FUT8: variants seen among roughly 807,000 people sequenced by gnomAD.
The protein encoded by FUT8 is fucosyltransferase 8, also known as alpha-(1,6)-fucosyltransferase.
FUT8 carries 29 observed loss-of-function variants against 71.3 expected under a neutral mutation model. That is an observed-to-expected ratio of 0.41 (90% CI 0.30 to 0.55). The LOEUF (loss-of-function observed/expected upper bound fraction) is 0.55. Ranked by LOEUF, FUT8 falls within the 20% of genes least tolerant of loss-of-function variation. FUT8 has a pLI of 0.34. For missense variants in FUT8, 544 were observed against 702.1 expected (o/e 0.77, Z 2.55); for synonymous variants, 254 against 239.3 (o/e 1.06, Z -0.57).
chr14:65,384,073 C>G, the FUT8 span, among the ~76,000 whole-genome samples: 1 of 147,530 alleles, frequency 6.8e-6, no homozygotes, highest in Non-Finnish European at 1.5e-5. The surrounding 1 kb of genome is among the most constrained non-coding windows in gnomAD (Gnocchi z 4.2). Flanking sequence ...GATCTCCAGC[C>G]AGTGTCTTTC....
chr14:65,457,714 C>T (rs1214658174), intron 2 of FUT8, among the ~76,000 whole-genome samples: 2 of 152,120 alleles, frequency 1.3e-5, no homozygotes, highest in African/African-American at 4.8e-5. Context: ...CAGAGTGAAA[C>T]AGAACAGAGC....
At chr14:65,430,428 G>GA (rs918723117) in intron 1 of FUT8, 3 of 152,042 alleles carry the variant, frequency 2.0e-5, no homozygotes, top group African/African-American at 7.2e-5. Flanking sequence ...TGTGTAATTG[G>GA]AAAAATGTCA....
chr14:65,610,763 T>G (rs989776797), intron 3 of FUT8, among the ~76,000 whole-genome samples: 1 of 151,928 alleles, frequency 6.6e-6, no homozygotes, highest in Non-Finnish European at 1.5e-5. Flanking sequence ...TCAGATAATG[T>G]GTTTTGTAAA....
At chr14:65,640,109 T>C (rs1363241461) in intron 6 of FUT8, among the ~76,000 whole-genome samples, 1 of 152,038 alleles carries the variant, frequency 6.6e-6, no homozygotes, top group African/African-American at 2.4e-5. Flanking sequence ...GAAAAATTAG[T>C]GTGGCCTGAC....
chr14:65,411,638 C>A, upstream of FUT8: 1 of 181,334 alleles, frequency 5.5e-6, no homozygotes, highest in South Asian at 9.9e-5. Context: ...GATAAGTATC[C>A]CCGGTATGTA....
rs370175330 is a variant in FUT8, at chr14:65,616,087, A to G, written c.313A>G (p.Arg105Gly). The part of the protein sequence containing the change: ...EQIENYKKQT[R>G]NGLGKDHEIL... ...GATTGAAAATTACAAGAAACAGACC[A>G]GAAATGGTAGGTGATTATACAGTGT... The change falls in exon 4 of 11, where the codon AGA becomes GGA. Residue 105 changes from arginine (R) to glycine (G), a missense_variant. Transcript: ENST00000673929. 3 of 1,613,344 alleles carry G rather than the reference A, an allele frequency of 1.9e-6. No individual in the cohort carries two copies. Among genetic ancestry groups the G allele is most frequent in the Non-Finnish European group, 2.5e-6 (3 of 1,179,394 alleles).
At chr14:65,666,345 A>T (rs1443475999) in intron 6 of FUT8, among the ~76,000 whole-genome samples, 1 of 152,084 alleles carries the variant, frequency 6.6e-6, no homozygotes, top group East Asian at 1.9e-4. Flanking sequence ...AAGTTAAGGG[A>T]ACATCACCAC....
chr14:65,579,284 A>G (rs1162800869), intron 3 of FUT8, among the ~76,000 whole-genome samples: 1 of 152,186 alleles, frequency 6.6e-6, no homozygotes, highest in Non-Finnish European at 1.5e-5. Flanking sequence ...GAATTAATTC[A>G]GGACAGTATG....
intron 2 of FUT8, chr14:65,528,996 C>T (rs1231615730): frequency 1.3e-5 from 2 of 156,416 alleles, no homozygotes; most frequent in African/African-American, 2.4e-5. Context: ...AAAATAACAT[C>T]AGATTTGTTA....
intron 7 of FUT8, among the ~76,000 whole-genome samples, chr14:65,693,514 GGAGAGGGAGACCGTGGGGAGAGGGA>G (rs904294082): frequency 1.3e-5 from 2 of 152,188 alleles, no homozygotes; most frequent in African/African-American, 2.4e-5. Flanking sequence ...GGAAAGAGAG[GGAGAGGGAGACCGTGGGGAGAGGGA>G]GAGAGGGAGG....
chr14:65,412,097 G>A (rs756538977), upstream of FUT8: 26 of 456,378 alleles, frequency 5.7e-5, no homozygotes, highest in Non-Finnish European at 8.8e-5. Context: ...GCCGCGGGTC[G>A]GGAGAGGCCG....
chr14:65,530,119 T>C (rs1166862290), intron 2 of FUT8, among the ~76,000 whole-genome samples: 1 of 152,192 alleles, frequency 6.6e-6, no homozygotes, highest in Non-Finnish European at 1.5e-5. Context: ...TCTGTAACTC[T>C]CTCACTTCAG....
rs529701135 is a variant in FUT8 at position 65,596,996 on chromosome 14, C to T, written c.204-18982C>T. ...TGTTTACCAGTAATCTGTGCTGTTC[C>T]ACAATAGAACACAATAAATAATTTT... On this transcript the variant is annotated intron_variant, in intron 3 of 10. Transcript: ENST00000673929. Among the ~76,000 whole-genome samples the T allele has an allele frequency of 5.3e-5, 8 of 152,198 alleles. No individual in the cohort carries two copies. The South Asian group carries it at 1.7e-3, about 32-fold the overall frequency.
chr14:65,651,123 C>T (rs533274751), intron 6 of FUT8, among the ~76,000 whole-genome samples: 4 of 152,256 alleles, frequency 2.6e-5, no homozygotes, highest in African/African-American at 7.2e-5. Context: ...CCCTGACCGC[C>T]GTTTCCATCC....
At chr14:65,384,222 A>G in the FUT8 span, among the ~76,000 whole-genome samples, 1 of 152,074 alleles carries the variant, frequency 6.6e-6, no homozygotes, top group East Asian at 1.9e-4. This position sits in a 1 kb window ranked among gnomAD's most constrained non-coding sequence, Gnocchi z 4.2. Flanking sequence ...ATGGATAATA[A>G]CTACAAAATT....
At position 65,489,755 on chromosome 14, in the gene FUT8, T is replaced by G. The variant is rs1343233826; in HGVS notation, c.-228+34037T>G. ...TAAAAAGGATTCTATGTTTTGTTTA[T>G]TGGTATCACACACGTGTCATGTGGG... On this transcript the variant is annotated intron_variant, in intron 2 of 10. Coordinates refer to ENST00000673929, the MANE Select transcript of FUT8 (RefSeq NM_001371533.1). The surrounding 1 kb of genome is among the most constrained non-coding windows in gnomAD (Gnocchi z 4.0). Among the ~76,000 whole-genome samples the G allele has an allele frequency of 6.6e-6, 1 of 152,142 alleles. No individual in the cohort carries two copies. Among genetic ancestry groups the G allele is most frequent in the Non-Finnish European group, 1.5e-5 (1 of 67,986 alleles).
Position 65,660,920 on chromosome 14 carries a change from A to G in FUT8, c.598-8323A>G, listed in dbSNP as rs988945323. 4.6e-5 allele frequency among the ~76,000 whole-genome samples: 7 copies of G among 152,218 alleles called. No individual in the cohort carries two copies. The highest frequency in any genetic ancestry group is 1.4e-4 in the African/African-American group (6 of 41,462). The stretch of plus-strand genomic sequence containing the variant: ...ATCAGATTGTTTCTAATATAATGAA[A>G]TGCTTTCACTACACTATTAATGAAT... On this transcript the variant is annotated intron_variant, in intron 6 of 10. Transcript: ENST00000673929. This position sits in a 1 kb window ranked among gnomAD's most constrained non-coding sequence, Gnocchi z 4.1.
At chr14:65,383,260 CTTTTCTT>C in the FUT8 span, among the ~76,000 whole-genome samples, 5 of 95,848 alleles carry the variant, frequency 5.2e-5, no homozygotes, top group South Asian at 2.1e-3. Flanking sequence ...TTTTCTTTTT[CTTTTCTT>C]TTTTTTTTTT....
chr14:65,583,872 T>A (rs1215674244), intron 3 of FUT8, among the ~76,000 whole-genome samples: 1 of 152,186 alleles, frequency 6.6e-6, no homozygotes, highest in East Asian at 1.9e-4. Flanking sequence ...ATTAGCCAGC[T>A]AAGAGTCTTT....
Sources: allele counts gnomAD v4.1 joint callset (sites outside exome capture counted in the v4.1 genomes callset), GRCh38; gene constraint gnomAD v4.1.1; non-coding constraint Gnocchi (gnomAD v3.1); transcripts MANE v1.5; gene names NCBI Gene and HGNC (gene_info 2026-07-23, HGNC 2026-07-21).